The following HPSE2 variants were observed in gnomAD, a reference collection of about 807,000 sequenced individuals.
HPSE2 encodes the protein heparanase 2 (inactive).
Under a neutral mutation model 60.5 loss-of-function variants are expected in HPSE2, and 38 were observed. That is an observed-to-expected ratio of 0.63 (90% confidence interval 0.48 to 0.82). HPSE2 has a LOEUF of 0.82. Among genes scored for constraint, HPSE2 ranks in the 40% least tolerant of loss-of-function variants. The pLI, the probability that HPSE2 is intolerant of heterozygous loss-of-function variation, is 0.00. For synonymous variants in HPSE2, 295 were observed against 293.2 expected, an observed-to-expected ratio of 1.01 and a Z score of -0.06; for missense variants, 713 against 740.4, an observed-to-expected ratio of 0.96 and a Z score of 0.43.
intron 5 of HPSE2, among the ~76,000 whole-genome samples, chr10:98,702,810 A>G (rs1385667472): frequency 1.3e-5 from 2 of 152,204 alleles, no homozygotes; most frequent in African/African-American, 4.8e-5. Flanking sequence ...ACAGCACTAA[A>G]TGCCAACATC....
At chr10:99,264,524 T>C in the HPSE2 span, among the ~76,000 whole-genome samples, 2 of 152,154 alleles carry the variant, frequency 1.3e-5, no homozygotes, top group Non-Finnish European at 2.9e-5. Context: ...AATAGTGTTG[T>C]TTTTACCTAA....
chr10:99,018,006 AAT>A (rs1271307712), intron 3 of HPSE2, among the ~76,000 whole-genome samples: 1 of 152,204 alleles, frequency 6.6e-6, no homozygotes, highest in African/African-American at 2.4e-5. Flanking sequence ...AAGTAAAAGC[AAT>A]ATGTACCTAC....
chr10:99,231,672 G>T (rs553353946), intron 2 of HPSE2, among the ~76,000 whole-genome samples: 1 of 151,914 alleles, frequency 6.6e-6, no homozygotes, highest in Non-Finnish European at 1.5e-5. Context: ...AAAGAAAGCT[G>T]GCATTTGTAA....
chr10:99,094,014 T>C (rs1843611146), intron 3 of HPSE2, among the ~76,000 whole-genome samples: 1 of 152,168 alleles, frequency 6.6e-6, no homozygotes, highest in Non-Finnish European at 1.5e-5. Flanking sequence ...ACTCTTTCTT[T>C]ATTGATAATT....
chr10:98,544,512 C>G (rs1402207596), intron 9 of HPSE2, among the ~76,000 whole-genome samples: 2 of 151,788 alleles, frequency 1.3e-5, no homozygotes, highest in African/African-American at 4.8e-5. Context: ...AGATCGAGAC[C>G]ATCCTGGCTA....
chr10:98,496,551 G>A (rs1297223742), intron 9 of HPSE2, among the ~76,000 whole-genome samples: 1 of 152,226 alleles, frequency 6.6e-6, no homozygotes, highest in Non-Finnish European at 1.5e-5. Context: ...CCTGCCATAG[G>A]GCTAAGAGGT....
intron 3 of HPSE2, among the ~76,000 whole-genome samples, chr10:99,044,679 AAAAC>A (rs1291155389): frequency 6.7e-5 from 5 of 74,324 alleles, no homozygotes; most frequent in Middle Eastern, 0.013. Flanking sequence ...ATGCAAACAG[AAAAC>A]AAACAAACAA....
intron 2 of HPSE2, among the ~76,000 whole-genome samples, chr10:99,155,090 C>G (rs1203981417): frequency 1.4e-5 from 2 of 142,458 alleles, no homozygotes; most frequent in Admixed American, 7.1e-5. Context: ...CAGGAGCACC[C>G]AGATTCATAA....
At chr10:98,963,500 A>G (rs1955735279) in intron 3 of HPSE2, among the ~76,000 whole-genome samples, 1 of 152,064 alleles carries the variant, frequency 6.6e-6, no homozygotes, top group African/African-American at 2.4e-5. Flanking sequence ...CAAAATTGAG[A>G]ATGCATTTGT....
chr10:98,988,729 T>A, intron 3 of HPSE2, among the ~76,000 whole-genome samples: 2 of 93,260 alleles, frequency 2.1e-5, no homozygotes, highest in African/African-American at 3.0e-5. Context: ...TGGGAGAAAA[T>A]TTTTGCAACC....
chr10:98,525,142 CTGGGAT>C (rs569415799), intron 9 of HPSE2, among the ~76,000 whole-genome samples: 50 of 152,340 alleles, frequency 3.3e-4, no homozygotes, highest in African/African-American at 1.1e-3. Flanking sequence ...TCCTGTGTAG[CTGGGAT>C]TACAGGTGCC....
chr10:99,154,000 C>T (rs1271130334), intron 2 of HPSE2, among the ~76,000 whole-genome samples: 1 of 151,922 alleles, frequency 6.6e-6, no homozygotes, highest in African/African-American at 2.4e-5. Context: ...GAAAGGGTAT[C>T]AGCAATGGAA....
intron 3 of HPSE2, among the ~76,000 whole-genome samples, chr10:99,143,829 T>C (rs929943466): frequency 2.0e-5 from 3 of 152,102 alleles, no homozygotes; most frequent in South Asian, 4.2e-4. Flanking sequence ...CCACCAAGAA[T>C]AGAACATTCT....
At chr10:99,091,608 C>T (rs1843517285) in intron 3 of HPSE2, among the ~76,000 whole-genome samples, 1 of 152,144 alleles carries the variant, frequency 6.6e-6, no homozygotes, top group South Asian at 2.1e-4. Context: ...AAAATGAAGG[C>T]ACAAAGTCTC....
At chr10:98,736,740 C>T (rs544892158) in intron 4 of HPSE2, among the ~76,000 whole-genome samples, 1 of 152,270 alleles carries the variant, frequency 6.6e-6, no homozygotes, top group African/African-American at 2.4e-5. Flanking sequence ...CCTAACTTTA[C>T]CTTTAGATAC....
intron 3 of HPSE2, among the ~76,000 whole-genome samples, chr10:98,954,324 GA>G (rs958105146): frequency 4.7e-5 from 7 of 150,342 alleles, no homozygotes; most frequent in African/African-American, 9.8e-5. Context: ...AGAAACAAAG[GA>G]AAAAAAAAGA....
intron 9 of HPSE2, among the ~76,000 whole-genome samples, chr10:98,527,591 C>A (rs1220844139): frequency 6.6e-6 from 1 of 152,184 alleles, no homozygotes; most frequent in Non-Finnish European, 1.5e-5. Flanking sequence ...TTTAAAGTGG[C>A]CACTTCCCCA....
chr10:99,077,777 T>G lies in HPSE2; in HGVS notation c.610+66461A>C, dbSNP rs370917007. Among the ~76,000 whole-genome samples, 39 of 148,956 alleles carry G rather than the reference T, an allele frequency of 2.6e-4. No individual in the cohort carries two copies. In the East Asian group the frequency reaches 5.2e-3, roughly 20 times the overall value. On this transcript the variant is annotated intron_variant, in intron 3 of 11. Transcript: ENST00000370552. ...AATTTATCTATGTTGAAATTTTCAC[T>G]TTGTTAATACATTGTTCTCCTGATT...
At chr10:98,886,158 T>G (rs1327506284) in intron 3 of HPSE2, among the ~76,000 whole-genome samples, 2 of 152,080 alleles carry the variant, frequency 1.3e-5, no homozygotes, top group African/African-American at 4.8e-5. Context: ...TCACCTCCCC[T>G]AAGACTATTT....
Sources: allele counts gnomAD v4.1 joint callset (sites outside exome capture counted in the v4.1 genomes callset), GRCh38; gene constraint gnomAD v4.1.1; transcripts MANE v1.5; gene names NCBI Gene and HGNC (gene_info 2026-07-23, HGNC 2026-07-21).